The following GRIK2 variants were observed in gnomAD, a reference collection of about 807,000 sequenced individuals.
GRIK2 encodes the protein glutamate receptor ionotropic, kainate 2.
Under a neutral mutation model 100.3 loss-of-function variants are expected in GRIK2, and 32 were observed. The observed-to-expected ratio is 0.32, with a 90% CI of 0.24 to 0.43. The LOEUF (loss-of-function observed/expected upper bound fraction) is 0.43, where lower values mean the gene tolerates loss of function less well. Ranked by LOEUF, GRIK2 falls within the 20% of genes least tolerant of loss-of-function variation. The pLI is 1.00. For synonymous variants in GRIK2, 417 were observed against 389.4 expected, an observed-to-expected ratio of 1.07 and a Z score of -0.83; for missense variants, 843 against 1,114.9, an observed-to-expected ratio of 0.76 and a Z score of 3.47.
intron 10 of GRIK2, among the ~76,000 whole-genome samples, chr6:101,839,180 C>T (rs1347434018): frequency 6.6e-6 from 1 of 152,164 alleles, no homozygotes; most frequent in East Asian, 1.9e-4. Context: ...CTGACTTTCA[C>T]TGTTCTGAAT....
At chr6:101,852,034 A>G (rs1018162987) in intron 10 of GRIK2, among the ~76,000 whole-genome samples, 3 of 151,534 alleles carry the variant, frequency 2.0e-5, no homozygotes, top group South Asian at 2.1e-4. Flanking sequence ...GACCTCATGT[A>G]GTTGTTATGG....
intron 7 of GRIK2, among the ~76,000 whole-genome samples, chr6:101,780,888 T>C (rs983545465): frequency 6.6e-6 from 1 of 152,180 alleles, no homozygotes; most frequent in African/African-American, 2.4e-5. Context: ...AACTAGAATG[T>C]TGAAGAGGGC....
chr6:101,502,982 G>A (rs1773841616), intron 2 of GRIK2, among the ~76,000 whole-genome samples: 1 of 152,088 alleles, frequency 6.6e-6, no homozygotes, highest in Non-Finnish European at 1.5e-5. Flanking sequence ...ACACAGGATG[G>A]CTGCTCTATT....
At chr6:102,047,193 A>AAAT (rs1362362264) in intron 15 of GRIK2, among the ~76,000 whole-genome samples, 1 of 152,124 alleles carries the variant, frequency 6.6e-6, no homozygotes, top group East Asian at 1.9e-4. Context: ...TAGCAGAAGT[A>AAAT]AATAATAAAG....
chr6:101,747,016 TTA>T (rs988869650), intron 7 of GRIK2, among the ~76,000 whole-genome samples: 95 of 152,356 alleles, frequency 6.2e-4, no homozygotes, highest in African/African-American at 2.2e-3. Context: ...CCCATAAATT[TTA>T]TGTTTAAATC....
rs531876572 is a variant in GRIK2 at position 101,958,380 on chromosome 6, T to C, written c.2085+29748T>C. Among the ~76,000 whole-genome samples, 12 of 151,996 alleles carry C rather than the reference T, an allele frequency of 7.9e-5. No homozygotes were observed. The South Asian group carries it at 2.5e-3, about 32-fold the overall frequency. On this transcript the variant is annotated intron_variant, in intron 14 of 16. Transcript: ENST00000369134. ...CTGACCTTTATACATTGATTTTGTA[T>C]CCTGTAACTTTTCTGAAGTTGTTTA...
intron 7 of GRIK2, among the ~76,000 whole-genome samples, chr6:101,698,271 G>A (rs1215720702): frequency 1.3e-5 from 2 of 151,958 alleles, no homozygotes; most frequent in African/African-American, 4.8e-5. Flanking sequence ...CCTAAGAAAT[G>A]GTCAAGAATC....
chr6:101,615,002 T>C (rs1197364648), intron 2 of GRIK2, among the ~76,000 whole-genome samples: 1 of 151,752 alleles, frequency 6.6e-6, no homozygotes, highest in Admixed American at 6.6e-5. Context: ...AGTTCTTTTG[T>C]GAGTCAGAGA....
chr6:101,524,718 G>GTTTTTTT (rs11339091), intron 2 of GRIK2, among the ~76,000 whole-genome samples: 2 of 134,284 alleles, frequency 1.5e-5, no homozygotes, highest in Non-Finnish European at 1.6e-5. Context: ...TTGCATGTTC[G>GTTTTTTT]TTTTTTTTTT....
chr6:101,791,810 T>TA (rs1474024980), intron 7 of GRIK2, among the ~76,000 whole-genome samples: 2 of 151,732 alleles, frequency 1.3e-5, no homozygotes, highest in African/African-American at 2.4e-5. Flanking sequence ...AGTGTGGTGT[T>TA]AAAGTCTCCC....
In GRIK2 at chr6:101,686,292, C is replaced by T. The variant is rs61996330; in HGVS notation, c.890C>T (p.Ser297Leu). Reference sequence around the variant, plus strand: ...GTCTCCTCCATCATTGAAAAGTGGTCGATGGAACGATTGCAGGCACCTCCG... The same window carrying T: ...GTCTCCTCCATCATTGAAAAGTGGTTGATGGAACGATTGCAGGCACCTCCG... ...TQVSSIIEKW[S>L]MERLQAPPKP... The change falls in exon 7 of 17, where the codon TCG becomes TTG. Residue 297 changes from serine (S) to leucine (L), a missense_variant. Transcript: ENST00000369134. The T allele has an allele frequency of 1.9e-6, 3 of 1,612,918 alleles. No individual in the cohort carries two copies. The highest frequency in any genetic ancestry group is 1.1e-5 in the South Asian group (1 of 91,046).
intron 14 of GRIK2, among the ~76,000 whole-genome samples, chr6:102,006,368 T>TTATATATATA (rs3029070): frequency 1.0e-4 from 13 of 125,822 alleles, no homozygotes; most frequent in African/African-American, 2.8e-4. Flanking sequence ...GATAAACCTT[T>TTATATATATA]TATATATATA....
intron 14 of GRIK2, among the ~76,000 whole-genome samples, chr6:101,999,840 CCTTT>C (rs369717079): frequency 6.6e-6 from 1 of 151,908 alleles, no homozygotes; most frequent in African/African-American, 2.4e-5. Context: ...GGGGAATTTT[CCTTT>C]CTTCTTTACT....
At chr6:101,995,308 T>C (rs1448058905) in intron 14 of GRIK2, among the ~76,000 whole-genome samples, 1 of 151,954 alleles carries the variant, frequency 6.6e-6, no homozygotes, top group African/African-American at 2.4e-5. Flanking sequence ...GTGTTCCCTA[T>C]TAAATTAATA....
intron 7 of GRIK2, among the ~76,000 whole-genome samples, chr6:101,778,468 A>G (rs1455735533): frequency 6.6e-6 from 1 of 152,188 alleles, no homozygotes; most frequent in Non-Finnish European, 1.5e-5. Context: ...CACGAGTGCT[A>G]ATAAACAACA....
intron 7 of GRIK2, among the ~76,000 whole-genome samples, chr6:101,792,540 C>T (rs554803332): frequency 1.3e-5 from 2 of 152,168 alleles, no homozygotes; most frequent in African/African-American, 4.8e-5. Context: ...TTGGCCCCCA[C>T]TCTCTTCTGG....
At chr6:101,821,720 T>C (rs955651620) in intron 10 of GRIK2, among the ~76,000 whole-genome samples, 2 of 152,164 alleles carry the variant, frequency 1.3e-5, no homozygotes, top group African/African-American at 4.8e-5. Context: ...AAGAACAGAT[T>C]TGAAGAGATT....
At position 101,632,350 on chromosome 6, in the gene GRIK2, C is replaced by T. The variant is rs566392665; in HGVS notation, c.541+5713C>T. 3.9e-5 allele frequency among the ~76,000 whole-genome samples: 6 copies of T among 152,230 alleles called. No individual in the cohort carries two copies. In the East Asian group the frequency reaches 1.2e-3, roughly 29 times the overall value. ...GCAGGGTGAACCCTAAGGCTGCTCA[C>T]TGTTTTATCACCAGCATCTAGAATG... On this transcript the variant is annotated intron_variant, in intron 4 of 16. Transcript: ENST00000369134.
intron 4 of GRIK2, among the ~76,000 whole-genome samples, chr6:101,634,931 T>A (rs551193207): frequency 5.9e-5 from 9 of 152,088 alleles, no homozygotes; most frequent in Middle Eastern, 3.2e-3. Context: ...TAGCATAATA[T>A]AATGGAAAGT....
Sources: allele counts gnomAD v4.1 joint callset (sites outside exome capture counted in the v4.1 genomes callset), GRCh38; gene constraint gnomAD v4.1.1; transcripts MANE v1.5; gene names NCBI Gene and HGNC (gene_info 2026-07-23, HGNC 2026-07-21).